Variants in CRYBA4 observed in about 807,000 individuals in gnomAD.
CRYBA4 encodes crystallin beta A4.
Under a neutral mutation model 31.7 loss-of-function variants are expected in CRYBA4, and 30 were observed. The observed-to-expected ratio is 0.95, with a 90% CI of 0.71 to 1.28. CRYBA4 has a LOEUF of 1.28. Among genes scored for constraint, CRYBA4 ranks in the 50% most tolerant of loss-of-function variants. CRYBA4 has a pLI of 0.00. For missense variants in CRYBA4, 225 were observed against 260.7 expected (o/e 0.86, Z 0.94); for synonymous variants, 102 against 102.3 (o/e 1.00, Z 0.02).
chr22:26,622,839 C>T (rs1174558723), intron 2 of CRYBA4, among the ~76,000 whole-genome samples: 1 of 152,218 alleles, frequency 6.6e-6, no homozygotes, highest in Non-Finnish European at 1.5e-5. Flanking sequence ...CTGTTACACT[C>T]TTTGGCAGAG....
chr22:26,602,950 C>T, the CRYBA4 span, among the ~76,000 whole-genome samples: 7 of 151,452 alleles, frequency 4.6e-5, no homozygotes, highest in East Asian at 1.9e-4. Flanking sequence ...GATGAAACCC[C>T]GTCTCTACTA....
chr22:26,602,967 C>CA, the CRYBA4 span, among the ~76,000 whole-genome samples: 815 of 150,808 alleles, frequency 5.4e-3, 5 homozygotes, highest in Admixed American at 0.012. Context: ...ACTAAAAATA[C>CA]AAAAAAAATT....
At chr22:26,593,860 C>T in the CRYBA4 span, among the ~76,000 whole-genome samples, 1 of 152,180 alleles carries the variant, frequency 6.6e-6, no homozygotes, top group Non-Finnish European at 1.5e-5. Context: ...TTGCTATGTG[C>T]TAAACACCTT....
chr22:26,628,140 T>C, intron 4 of CRYBA4, 148 bp from the exon 5 acceptor site: 1 of 993,094 alleles, frequency 1.0e-6, no homozygotes, highest in Non-Finnish European at 1.5e-6. Context: ...TGGCAAGGTT[T>C]CTGGTACCTG....
chr22:26,593,505 A>G, the CRYBA4 span, among the ~76,000 whole-genome samples: 24 of 151,644 alleles, frequency 1.6e-4, no homozygotes, highest in African/African-American at 4.6e-4. Context: ...TTTTTTAAAA[A>G]CCATTTTATT....
At chr22:26,617,823 TC>T (rs2145974720), upstream of CRYBA4, among the ~76,000 whole-genome samples, 1 of 152,202 alleles carries the variant, frequency 6.6e-6, no homozygotes, top group East Asian at 1.9e-4. Context: ...CCTCTCCCTC[TC>T]CCTCCCTTTC....
the CRYBA4 span, among the ~76,000 whole-genome samples, chr22:26,594,973 C>A: frequency 1.3e-5 from 2 of 152,154 alleles, no homozygotes; most frequent in East Asian, 3.8e-4. Flanking sequence ...GTGAGATGCT[C>A]ATGTTTTGAG....
At chr22:26,603,125 C>CAAAAAAAAA in the CRYBA4 span, among the ~76,000 whole-genome samples, 2 of 69,340 alleles carry the variant, frequency 2.9e-5, no homozygotes, top group Non-Finnish European at 6.2e-5. Context: ...GACTCCGTCT[C>CAAAAAAAAA]AAAAAAAAAA....
chr22:26,600,949 T>C, the CRYBA4 span, among the ~76,000 whole-genome samples: 9 of 152,356 alleles, frequency 5.9e-5, no homozygotes, highest in Non-Finnish European at 1.2e-4. Flanking sequence ...TATCTGGGTT[T>C]CCCTGCTAGG....
the CRYBA4 span, among the ~76,000 whole-genome samples, chr22:26,591,733 T>C: frequency 4.8e-5 from 5 of 104,872 alleles, no homozygotes; most frequent in African/African-American, 1.6e-4. Context: ...AGAGTGAGAC[T>C]CCGTCTCAAA....
the CRYBA4 span, among the ~76,000 whole-genome samples, chr22:26,607,724 A>G: frequency 6.6e-6 from 1 of 152,156 alleles, no homozygotes; most frequent in Non-Finnish European, 1.5e-5. Flanking sequence ...TGTTAAGGAC[A>G]CTGATGAATT....
chr22:26,627,468 CTTT>C, intron 4 of CRYBA4, among the ~76,000 whole-genome samples: 4 of 95,754 alleles, frequency 4.2e-5, no homozygotes, highest in South Asian at 4.1e-4. Flanking sequence ...TTCTTTCTTT[CTTT>C]CTTTCTCTTT....
At chr22:26,612,051 C>T in the CRYBA4 span, 2 of 1,541,816 alleles carry the variant, frequency 1.3e-6, no homozygotes, top group Non-Finnish European at 1.8e-6. Flanking sequence ...AGAGTGTGCC[C>T]CTCCGCCGCC....
At chr22:26,603,181 G>C in the CRYBA4 span, among the ~76,000 whole-genome samples, 1 of 151,574 alleles carries the variant, frequency 6.6e-6, no homozygotes, top group African/African-American at 2.4e-5. Context: ...TTATGCACTG[G>C]TGATCTTGGA....
the CRYBA4 span, chr22:26,607,810 T>C: frequency 2.5e-6 from 4 of 1,601,586 alleles, no homozygotes; most frequent in Non-Finnish European, 3.4e-6. Flanking sequence ...ATCTCCTTCT[T>C]GCCCTTGTCA....
upstream of CRYBA4, among the ~76,000 whole-genome samples, chr22:26,619,271 C>G (rs993671856): frequency 6.6e-6 from 1 of 152,014 alleles, no homozygotes; most frequent in Admixed American, 6.6e-5. Context: ...AGTGAAGGAG[C>G]GAGAGACGGA....
chr22:26,627,832 G>A (rs1929800132), intron 4 of CRYBA4, among the ~76,000 whole-genome samples: 1 of 152,026 alleles, frequency 6.6e-6, no homozygotes, highest in South Asian at 2.1e-4. Flanking sequence ...GTATTTAGTA[G>A]AGACAGGGTT....
the CRYBA4 span, among the ~76,000 whole-genome samples, chr22:26,612,423 C>A: frequency 6.6e-6 from 1 of 152,128 alleles, no homozygotes; most frequent in East Asian, 1.9e-4. Flanking sequence ...AGTTCAGTGG[C>A]GCAATCATGG....
chr22:26,620,556 CTTTTTTTT>C (rs60318967), upstream of CRYBA4, among the ~76,000 whole-genome samples: 1 of 88,490 alleles, frequency 1.1e-5, no homozygotes. Context: ...TCATGCATTC[CTTTTTTTT>C]TTTTTTTTTT....
Sources: allele counts gnomAD v4.1 joint callset (sites outside exome capture counted in the v4.1 genomes callset), GRCh38; gene constraint gnomAD v4.1.1; transcripts MANE v1.5; gene names NCBI Gene and HGNC (gene_info 2026-07-23, HGNC 2026-07-21).